Variants in DOCK8 observed in about 807,000 individuals in gnomAD.
The protein encoded by DOCK8 is dedicator of cytokinesis 8.
A neutral mutation model predicts 245.6 loss-of-function variants in DOCK8; 141 were observed. That is an observed-to-expected ratio of 0.57 (90% CI 0.50 to 0.66). The LOEUF (loss-of-function observed/expected upper bound fraction) is 0.66. DOCK8 is among the 30% of genes least tolerant of loss of function. The pLI, the probability that DOCK8 is intolerant of heterozygous loss-of-function variation, is 0.00. For synonymous variants in DOCK8, 1,168 were observed against 970.2 expected, an observed-to-expected ratio of 1.20 and a Z score of -3.79; for missense variants, 2,965 against 2,603.4, an observed-to-expected ratio of 1.14 and a Z score of -3.02.
intron 34 of DOCK8, among the ~76,000 whole-genome samples, chr9:427,448 T>A (rs1259629674): frequency 1.3e-5 from 2 of 152,224 alleles, no homozygotes; most frequent in Non-Finnish European, 2.9e-5. Flanking sequence ...CTTAAATTTG[T>A]TAAGGAAAGT....
At chr9:355,661 AG>A (rs1265528374) in intron 14 of DOCK8, among the ~76,000 whole-genome samples, 1 of 152,250 alleles carries the variant, frequency 6.6e-6, no homozygotes, top group Non-Finnish European at 1.5e-5. Context: ...TTTTTTACCT[AG>A]AAAGCAGATT....
chr9:277,712 G>A (rs568378478), intron 2 of DOCK8, among the ~76,000 whole-genome samples: 123 of 152,226 alleles, frequency 8.1e-4, no homozygotes, highest in African/African-American at 2.8e-3. Context: ...CAATTTTGAA[G>A]TGAAATGGAA....
chr9:214,344 T>G, upstream of DOCK8: 1 of 667,806 alleles, frequency 1.5e-6, no homozygotes, highest in Admixed American at 3.2e-5. Context: ...TCATAATGTT[T>G]ATTCCTTGGA....
At chr9:342,058 A>T (rs527480053) in intron 14 of DOCK8, among the ~76,000 whole-genome samples, 1 of 152,326 alleles carries the variant, frequency 6.6e-6, no homozygotes, top group Admixed American at 6.5e-5. Flanking sequence ...ATTGTGAGTT[A>T]TATAATTATT....
intron 44 of DOCK8, among the ~76,000 whole-genome samples, chr9:447,715 C>G (rs1450828333): frequency 1.3e-5 from 2 of 152,186 alleles, no homozygotes; most frequent in Non-Finnish European, 2.9e-5. Context: ...CAGGCATAAT[C>G]AAGTTGGTGA....
intron 5 of DOCK8, 93 bp downstream of exon 5, chr9:304,797 G>T: frequency 6.4e-7 from 1 of 1,568,854 alleles, no homozygotes; most frequent in Non-Finnish European, 8.7e-7. Flanking sequence ...AACGATAGAC[G>T]CATAGAAAGT....
intron 46 of DOCK8, among the ~76,000 whole-genome samples, chr9:456,018 AGTACTGCTGCTCATTATT>A (rs2057629440): frequency 6.6e-6 from 1 of 152,206 alleles, no homozygotes; most frequent in African/African-American, 2.4e-5. Flanking sequence ...CAGACAAAAC[AGTACTGCTGCTCATTATT>A]CATCTCTATG....
intron 1 of DOCK8, among the ~76,000 whole-genome samples, chr9:241,839 T>C (rs2047380446): frequency 6.6e-6 from 1 of 152,154 alleles, no homozygotes; most frequent in Non-Finnish European, 1.5e-5. Flanking sequence ...TTTTATTTTG[T>C]TAAAGATGGA....
chr9:223,469 T>C (rs1048039321), intron 1 of DOCK8, among the ~76,000 whole-genome samples: 1 of 152,132 alleles, frequency 6.6e-6, no homozygotes. Flanking sequence ...TTCCCTGGCC[T>C]CATAGCCCTC....
intron 14 of DOCK8, among the ~76,000 whole-genome samples, chr9:348,522 C>A (rs1352718068): frequency 6.6e-6 from 1 of 152,144 alleles, no homozygotes; most frequent in Admixed American, 6.5e-5. Flanking sequence ...TAGAATTCAG[C>A]AGGAAGCTTC....
chr9:241,631 GAC>G (rs2047375405), intron 1 of DOCK8, among the ~76,000 whole-genome samples: 1 of 152,114 alleles, frequency 6.6e-6, no homozygotes, highest in African/African-American at 2.4e-5. Flanking sequence ...TTTATTGTCA[GAC>G]ACGTAAGTTG....
In DOCK8 at chr9:426,954, C is replaced by G; in HGVS notation, c.4311C>G (p.Ile1437Met). 1 of 1,614,078 alleles carries G rather than the reference C, an allele frequency of 6.2e-7. No homozygotes were observed. The highest frequency in any genetic ancestry group is 8.5e-7 in the Non-Finnish European group (1 of 1,180,016). ...TGGCTACAGAAGCACATTTAATCAT[C>G]CTGGATATGCAGGAAAACATTATCC... is the stretch of plus-strand genomic sequence containing the variant. Reference protein sequence around the residue: ...GNLATEAHLIILDMQENIIQA... With the variant: ...GNLATEAHLIMLDMQENIIQA... The change falls in exon 34 of 48, where the codon ATC becomes ATG. Residue 1437 changes from isoleucine (I) to methionine (M), a missense_variant. Around this residue, in one of 3 missense-constraint regions of DOCK8, gnomAD observed 2,825 missense variants for 2,453.5 expected, o/e 1.15. Transcript: ENST00000432829.
intron 2 of DOCK8, among the ~76,000 whole-genome samples, chr9:283,119 A>G (rs972976075): frequency 6.6e-6 from 1 of 152,222 alleles, no homozygotes; most frequent in Admixed American, 6.5e-5. Flanking sequence ...GAAACAATCA[A>G]AATTATAGCG....
intron 17 of DOCK8, 129 bp downstream of exon 17, chr9:371,695 C>T: frequency 7.9e-7 from 1 of 1,260,272 alleles, no homozygotes; most frequent in Non-Finnish European, 1.1e-6. Context: ...TGCTAAGCCA[C>T]ATTATAGCAA....
chr9:327,708 C>G (rs1373741557), intron 8 of DOCK8, among the ~76,000 whole-genome samples: 1 of 152,114 alleles, frequency 6.6e-6, no homozygotes, highest in Admixed American at 6.6e-5. Flanking sequence ...TTCCCTCATT[C>G]TTGATTGTGA....
intron 14 of DOCK8, among the ~76,000 whole-genome samples, chr9:348,470 G>A (rs1048881343): frequency 3.3e-5 from 5 of 152,114 alleles, no homozygotes; most frequent in Admixed American, 1.3e-4. Flanking sequence ...TCCTGCGGTC[G>A]GTTTAACAGT....
At chr9:431,925 A>G (rs574085491) in intron 36 of DOCK8, among the ~76,000 whole-genome samples, 67 of 152,354 alleles carry the variant, frequency 4.4e-4, no homozygotes, top group African/African-American at 1.5e-3. Flanking sequence ...CCAGTCCTCA[A>G]TGAAAATTTA....
At chr9:364,511 A>G (rs1418873708) in intron 14 of DOCK8, among the ~76,000 whole-genome samples, 1 of 151,852 alleles carries the variant, frequency 6.6e-6, no homozygotes, top group African/African-American at 2.4e-5. Context: ...ATGCATGCCT[A>G]CTATTCTAGC....
intron 12 of DOCK8, 152 bp from the exon 13 acceptor site, chr9:338,854 A>C (rs1268272523): frequency 1.5e-6 from 1 of 687,994 alleles, no homozygotes; most frequent in African/African-American, 1.8e-5. Flanking sequence ...CAAGAAGTGG[A>C]GCTCAGTGAT....
Sources: gnomAD v4.1 joint callset for allele counts (sites outside exome capture counted in the v4.1 genomes callset) on GRCh38, gnomAD v4.1.1 for gene constraint, gnomAD v4.1.1 regional missense constraint, MANE v1.5 for transcripts, NCBI Gene and HGNC (gene_info 2026-07-23, HGNC 2026-07-21) for gene names.